The following TTC28 variants were observed in gnomAD, a reference collection of about 807,000 sequenced individuals.
The protein encoded by TTC28 is tetratricopeptide repeat domain 28.
TTC28 carries 61 observed loss-of-function variants against 198.0 expected under a neutral mutation model. That is an observed-to-expected ratio of 0.31 (90% confidence interval 0.25 to 0.38). The LOEUF (loss-of-function observed/expected upper bound fraction) is 0.38. Among genes scored for constraint, TTC28 ranks in the 10% least tolerant of loss-of-function variants. TTC28 has a pLI of 1.00. For synonymous variants in TTC28, 1,171 were observed against 1,297.8 expected (o/e 0.90, Z 2.10); for missense variants, 2,678 against 3,164.0 (o/e 0.85, Z 3.69).
chr22:28,296,936 T>C (rs868675118), intron 4 of TTC28, among the ~76,000 whole-genome samples: 14 of 152,208 alleles, frequency 9.2e-5, no homozygotes, highest in Non-Finnish European at 1.6e-4. Context: ...CTCCACAGTA[T>C]ACACTCTTAA....
intron 12 of TTC28, among the ~76,000 whole-genome samples, chr22:28,078,887 G>A (rs1437270307): frequency 6.6e-6 from 1 of 152,160 alleles, no homozygotes; most frequent in East Asian, 1.9e-4. Flanking sequence ...AGAGCAGGGG[G>A]CAGAACTTTA....
chr22:28,644,110 C>A (rs1213692236), intron 1 of TTC28, among the ~76,000 whole-genome samples: 1 of 152,130 alleles, frequency 6.6e-6, no homozygotes. Context: ...TATGATAATA[C>A]AGAACTTGGC....
intron 2 of TTC28, among the ~76,000 whole-genome samples, chr22:28,603,115 G>A (rs533964607): frequency 2.6e-5 from 4 of 152,132 alleles, no homozygotes; most frequent in East Asian, 3.9e-4. Flanking sequence ...TCTTGACCTC[G>A]TGACCCACCC....
At chr22:28,333,095 A>G (rs1196314559) in intron 2 of TTC28, among the ~76,000 whole-genome samples, 1 of 152,154 alleles carries the variant, frequency 6.6e-6, no homozygotes, top group African/African-American at 2.4e-5. Flanking sequence ...TATTTAAGTT[A>G]AATAGGCAAG....
intron 2 of TTC28, among the ~76,000 whole-genome samples, chr22:28,589,831 A>T (rs2050391638): frequency 6.6e-6 from 1 of 151,940 alleles, no homozygotes; most frequent in Non-Finnish European, 1.5e-5. Context: ...CGAGGTCAGG[A>T]GTTCAAGACC....
chr22:28,568,545 G>C (rs2050015021), intron 2 of TTC28, among the ~76,000 whole-genome samples: 2 of 151,900 alleles, frequency 1.3e-5, no homozygotes. Context: ...TCAAAAATCA[G>C]CAGCATTTCT....
chr22:28,353,986 C>T (rs2046038078), intron 2 of TTC28, among the ~76,000 whole-genome samples: 1 of 152,112 alleles, frequency 6.6e-6, no homozygotes. Context: ...AAGATATAGT[C>T]ACTTCATACC....
intron 2 of TTC28, among the ~76,000 whole-genome samples, chr22:28,392,763 AC>A (rs2046751383): frequency 6.6e-6 from 1 of 151,238 alleles, no homozygotes; most frequent in Admixed American, 6.6e-5. Context: ...AGTGAGATGA[AC>A]CCGGTACCTC....
intron 2 of TTC28, among the ~76,000 whole-genome samples, chr22:28,525,746 TG>T (rs1568998952): frequency 6.6e-6 from 1 of 152,150 alleles, no homozygotes; most frequent in Non-Finnish European, 1.5e-5. Context: ...TTAAACCCTA[TG>T]GGAACATGAA....
intron 9 of TTC28, 78 bp from the exon 10 acceptor site, chr22:28,099,122 G>A: frequency 2.6e-6 from 4 of 1,515,896 alleles, no homozygotes; most frequent in Non-Finnish European, 3.6e-6. Context: ...GACAACTTTT[G>A]CTCATATCTT....
At chr22:28,311,229 G>T (rs2045251060) in intron 2 of TTC28, among the ~76,000 whole-genome samples, 1 of 147,620 alleles carries the variant, frequency 6.8e-6, no homozygotes, top group South Asian at 2.1e-4. Context: ...AACTATACTT[G>T]TAAATCACAT....
chr22:28,095,527 T>C (rs1941946355), intron 11 of TTC28, among the ~76,000 whole-genome samples: 1 of 152,214 alleles, frequency 6.6e-6, no homozygotes, highest in Non-Finnish European at 1.5e-5. Context: ...GTCAATAAAC[T>C]CTAATTGGAT....
At chr22:28,161,279 C>A (rs1360070882) in intron 6 of TTC28, among the ~76,000 whole-genome samples, 1 of 152,148 alleles carries the variant, frequency 6.6e-6, no homozygotes, top group Non-Finnish European at 1.5e-5. Flanking sequence ...TGCCTGTCAT[C>A]CCAACACTCT....
intron 2 of TTC28, among the ~76,000 whole-genome samples, chr22:28,620,459 G>A (rs752487330): frequency 9.2e-5 from 14 of 152,208 alleles, no homozygotes; most frequent in East Asian, 1.9e-4. Context: ...CTTTGCACTC[G>A]GCAGTGCCAA....
intron 2 of TTC28, among the ~76,000 whole-genome samples, chr22:28,545,594 A>G (rs2049523909): frequency 6.6e-6 from 1 of 152,068 alleles, no homozygotes; most frequent in East Asian, 1.9e-4. Context: ...ACAAAAAATA[A>G]AAAAACTAAT....
chr22:28,301,327 C>T (rs1451259459), intron 3 of TTC28, among the ~76,000 whole-genome samples: 2 of 152,184 alleles, frequency 1.3e-5, no homozygotes, highest in Admixed American at 6.5e-5. Context: ...GCTTTTCTTT[C>T]TAGAGTCTAT....
rs569500446 is a variant in TTC28, at chr22:28,488,143, C to A, written c.381+141409G>T. 1.1e-4 allele frequency among the ~76,000 whole-genome samples: 17 copies of A among 152,206 alleles called. 1 individual carries two copies. Among genetic ancestry groups the A allele is most frequent in the African/African-American group, 3.9e-4 (16 of 41,542 alleles). On this transcript the variant is annotated intron_variant, in intron 2 of 22. Transcript: ENST00000397906. The stretch of plus-strand genomic sequence containing the variant: ...GGGGAGTTATGAACAATTAGTCCAC[C>A]ACTACCAAGAAGTAGTCAAGATGAT...
At chr22:28,413,799 T>G (rs2047126659) in intron 2 of TTC28, among the ~76,000 whole-genome samples, 1 of 152,154 alleles carries the variant, frequency 6.6e-6, no homozygotes, top group Admixed American at 6.5e-5. Context: ...CTGTGGCTCA[T>G]ATCATTAATG....
chr22:28,325,419 C>T (rs2045513327), intron 2 of TTC28, among the ~76,000 whole-genome samples: 1 of 151,710 alleles, frequency 6.6e-6, no homozygotes, highest in African/African-American at 2.4e-5. Flanking sequence ...TTATGTGAAC[C>T]TCATCACACT....
Sources: gnomAD v4.1 joint callset for allele counts (sites outside exome capture counted in the v4.1 genomes callset) on GRCh38, gnomAD v4.1.1 for gene constraint, MANE v1.5 for transcripts, NCBI Gene and HGNC (gene_info 2026-07-23, HGNC 2026-07-21) for gene names.